The following LYST variants were observed in gnomAD, a reference collection of about 807,000 sequenced individuals.
LYST encodes the protein lysosomal-trafficking regulator.
Under a neutral mutation model 413.6 loss-of-function variants are expected in LYST, and 192 were observed. The observed-to-expected ratio is 0.46, with a 90% CI of 0.41 to 0.52. LYST has a LOEUF of 0.52. Ranked by LOEUF, LYST falls within the 20% of genes least tolerant of loss-of-function variation. LYST has a pLI of 0.00. For synonymous variants in LYST, 1,525 were observed against 1,567.3 expected (o/e 0.97, Z 0.64); for missense variants, 3,815 against 4,499.9 (o/e 0.85, Z 4.35).
chr1:235,839,246 T>C (rs1312711914), intron 1 of LYST, among the ~76,000 whole-genome samples: 1 of 147,378 alleles, frequency 6.8e-6, no homozygotes, highest in Non-Finnish European at 1.5e-5. Context: ...GGTGTATGTG[T>C]GCATATATAT....
chr1:235,830,524 G>T, intron 2 of LYST, 100 bp from the exon 3 acceptor site: 1 of 953,254 alleles, frequency 1.0e-6, no homozygotes, highest in Non-Finnish European at 1.6e-6. Context: ...CTGAAGATTG[G>T]CTTAAAATTA....
intron 42 of LYST, among the ~76,000 whole-genome samples, chr1:235,713,444 A>C (rs1662570754): frequency 6.6e-6 from 1 of 152,252 alleles, no homozygotes; most frequent in Non-Finnish European, 1.5e-5. Flanking sequence ...TCAGATTTTA[A>C]GATTCTCTGT....
chr1:235,699,643 G>A (rs1021037091), intron 45 of LYST, among the ~76,000 whole-genome samples: 2 of 152,148 alleles, frequency 1.3e-5, no homozygotes, highest in Non-Finnish European at 2.9e-5. Flanking sequence ...AGATCCTTGA[G>A]GAATTGCCAC....
rs1268253908 is a variant in LYST at position 235,806,705 on chromosome 1, C to A, written c.2431G>T (p.Gly811Cys). ...SQIIELNCLN[G>C]IRSHSLKAFE... ...GCTTTTAGAGAATGACTTCGAATAC[C>A]ATTTAAGCAATTTAATTCGATTATT... The change falls in exon 6 of 53, where the codon GGT becomes TGT. Residue 811 changes from glycine to cysteine, a missense_variant. Physicochemically the swap from Gly to Cys is radical, Grantham distance 159. Transcript: ENST00000389793. 1.9e-6 allele frequency: 3 copies of A among 1,613,070 alleles called. No individual in the cohort carries two copies. The highest frequency in any genetic ancestry group is 2.2e-5 in the South Asian group (2 of 91,050).
chr1:235,790,348 C>G (rs1426504596), intron 12 of LYST, among the ~76,000 whole-genome samples: 1 of 152,188 alleles, frequency 6.6e-6, no homozygotes, highest in Admixed American at 6.5e-5. Context: ...TGCTACTTAA[C>G]TTCCTCTAAA....
chr1:235,836,698 T>C lies in LYST; in HGVS notation c.-97-3031A>G, dbSNP rs370744420. 5.1e-4 allele frequency among the ~76,000 whole-genome samples: 77 copies of C among 152,304 alleles called. 1 individual carries two copies. In the South Asian group the frequency reaches 0.015, roughly 29 times the overall value. On this transcript the variant is annotated intron_variant, in intron 1 of 52. Coordinates refer to ENST00000389793, the MANE Select transcript of LYST (RefSeq NM_000081.4). Reference sequence around the variant, plus strand: ...AATAGAAGTGTTCCCCTGAAACCATTTCTCCCCAAGAATGCAAGTCCCTCC... The same window carrying C: ...AATAGAAGTGTTCCCCTGAAACCATCTCTCCCCAAGAATGCAAGTCCCTCC...
Position 235,724,082 on chromosome 1 carries a change from T to C in LYST, c.9261A>G (p.Val3087=). The stretch of plus-strand genomic sequence containing the variant: ...TTCTGCCATTTGTTAGAAAGATTTC[T>C]ACAGCATTATCTCTCAATTGCCACC... ...KRWWQLRDNA[V]EIFLTNGRTL... Residue 3087 remains valine (V), a synonymous_variant, in exon 39 of 53, where the codon GTA becomes GTG. Transcript: ENST00000389793. 1.2e-6 allele frequency: 2 copies of C among 1,613,680 alleles called. No individual in the cohort carries two copies. The highest frequency in any genetic ancestry group is 1.7e-4 in the Middle Eastern group (1 of 6,060).
At position 235,809,767 on chromosome 1, in the gene LYST, T is replaced by C; in HGVS notation, c.1051A>G (p.Lys351Glu). 6.2e-7 allele frequency: 1 copy of C among 1,614,126 alleles called. No individual in the cohort carries two copies. Among genetic ancestry groups the C allele is most frequent in the Non-Finnish European group, 8.5e-7 (1 of 1,180,000 alleles). Residue 351 changes from lysine (K) to glutamate (E), a missense_variant, in exon 5 of 53, where the codon AAA (lysine) becomes GAA (glutamate). Coordinates refer to ENST00000389793, the MANE Select transcript of LYST (RefSeq NM_000081.4). This position sits in a 1 kb window ranked among gnomAD's most constrained non-coding sequence, Gnocchi z 4.0. ...TAEMMPENLR[K>E]NLTELLRAAL... ...GCTCTAAGCAATTCAGTTAAATTTT[T>C]CCTAAGATTTTCTGGCATCATCTCT... is the stretch of plus-strand genomic sequence containing the variant.
intron 50 of LYST, among the ~76,000 whole-genome samples, chr1:235,671,253 T>C (rs1041735062): frequency 6.6e-6 from 1 of 152,168 alleles, no homozygotes; most frequent in African/African-American, 2.4e-5. Flanking sequence ...TACCTGTTTT[T>C]ATGGAGTTTA....
intron 15 of LYST, among the ~76,000 whole-genome samples, chr1:235,781,685 C>G (rs996428131): frequency 1.3e-5 from 2 of 151,776 alleles, no homozygotes; most frequent in African/African-American, 4.8e-5. Context: ...ATGTATATAT[C>G]AATTGTAAGA....
intron 38 of LYST, among the ~76,000 whole-genome samples, chr1:235,727,464 C>T (rs1301929540): frequency 6.6e-6 from 1 of 151,952 alleles, no homozygotes; most frequent in Non-Finnish European, 1.5e-5. Flanking sequence ...AATTAAACCA[C>T]ACATAATCTC....
rs1662502011 is a variant in LYST at position 235,712,733 on chromosome 1, TTCTAAC to T, written c.9785-542_9785-537del. 3 of 985,234 alleles carry T rather than the reference TTCTAAC, an allele frequency of 3.0e-6. No homozygotes were observed. In the South Asian group the frequency reaches 1.4e-4, roughly 46 times the overall value. The allele number at this position is 985,234 out of a possible 1,614,324, so 61.0% of individuals were successfully genotyped here. On this transcript the variant is annotated intron_variant, in intron 42 of 52. Coordinates refer to ENST00000389793, the MANE Select transcript of LYST (RefSeq NM_000081.4). ...GGTTACGGTGCATTGTTTTTTGGTG[TTCTAAC>T]TCTGAGCTAAAGAATTGAGTAAAAT... is the stretch of plus-strand genomic sequence containing the variant.
chr1:235,871,753 T>G (rs979404794), upstream of LYST, among the ~76,000 whole-genome samples: 3 of 152,220 alleles, frequency 2.0e-5, no homozygotes, highest in African/African-American at 7.2e-5. Flanking sequence ...TTCACTATAC[T>G]CTGCAGCTCG....
intron 15 of LYST, among the ~76,000 whole-genome samples, chr1:235,781,503 A>G (rs969416101): frequency 2.6e-5 from 4 of 152,104 alleles, no homozygotes; most frequent in Non-Finnish European, 4.4e-5. Flanking sequence ...TAAAAATCAT[A>G]TATTTCATTT....
chr1:235,687,931 T>C (rs939206237), intron 47 of LYST, among the ~76,000 whole-genome samples: 1 of 152,246 alleles, frequency 6.6e-6, no homozygotes, highest in Non-Finnish European at 1.5e-5. Flanking sequence ...CTTCCCCCCT[T>C]GCACTACAAG....
At chr1:235,669,521 G>A (rs1658756440) in intron 50 of LYST, among the ~76,000 whole-genome samples, 1 of 152,186 alleles carries the variant, frequency 6.6e-6, no homozygotes. Flanking sequence ...CTTAGCCTAC[G>A]ATTGGTTGCA....
Position 235,744,053 on chromosome 1 carries a change from C to T in LYST, c.8077G>A (p.Glu2693Lys). 1 of 1,582,862 alleles carries T rather than the reference C, an allele frequency of 6.3e-7. No homozygotes were observed. Among genetic ancestry groups the T allele is most frequent in the Non-Finnish European group, 8.7e-7 (1 of 1,152,160 alleles). Residue 2693 changes from glutamate (E) to lysine (K), a missense_variant, in exon 30 of 53, where the codon GAA becomes AAA. Physicochemically the swap from Glu to Lys is moderately conservative, Grantham distance 56. Coordinates refer to ENST00000389793, the MANE Select transcript of LYST (RefSeq NM_000081.4). ...TEISEENIHHEQSSVFNPFQK... is the reference protein window; with the variant it reads ...TEISEENIHHKQSSVFNPFQK... ...AATGGATTGAAAACAGAAGACTGTT[C>T]ATGATGAATATTTTCCTCAGAAATT...
At chr1:235,818,173 AAAG>A (rs1327638041) in intron 3 of LYST, among the ~76,000 whole-genome samples, 5 of 152,136 alleles carry the variant, frequency 3.3e-5, no homozygotes, top group East Asian at 1.9e-4. Context: ...TTTAAAAAAG[AAAG>A]AAGGAGAGTG....
intron 2 of LYST, among the ~76,000 whole-genome samples, chr1:235,831,922 A>G (rs1430488053): frequency 2.6e-5 from 4 of 152,192 alleles, no homozygotes; most frequent in Non-Finnish European, 4.4e-5. Flanking sequence ...ATTACTTAGT[A>G]CACCACTAAA....
Sources: gnomAD v4.1 joint callset for allele counts (sites outside exome capture counted in the v4.1 genomes callset) on GRCh38, gnomAD v4.1.1 for gene constraint, Gnocchi (gnomAD v3.1) non-coding constraint, MANE v1.5 for transcripts, NCBI Gene and HGNC (gene_info 2026-07-23, HGNC 2026-07-21) for gene names.